Variants in EPHB1 observed in about 807,000 individuals in gnomAD.
EPHB1 encodes ephrin type-B receptor 1.
Under a neutral mutation model 94.4 loss-of-function variants are expected in EPHB1, and 30 were observed. That is an observed-to-expected ratio of 0.32 (90% confidence interval 0.24 to 0.43). The LOEUF (loss-of-function observed/expected upper bound fraction) is 0.43. Ranked by LOEUF, EPHB1 falls within the 20% of genes least tolerant of loss-of-function variation. The pLI is 1.00. For synonymous variants in EPHB1, 522 were observed against 489.1 expected, an observed-to-expected ratio of 1.07 and a Z score of -0.89; for missense variants, 1,055 against 1,308.3, an observed-to-expected ratio of 0.81 and a Z score of 2.99.
chr3:135,157,319 G>A (rs1411414587), intron 6 of EPHB1, among the ~76,000 whole-genome samples: 1 of 152,212 alleles, frequency 6.6e-6, no homozygotes, highest in Non-Finnish European at 1.5e-5. Flanking sequence ...GACAGGCCGA[G>A]CACTGAAGCC....
chr3:135,256,367 T>A (rs1933386852), intron 15 of EPHB1, among the ~76,000 whole-genome samples: 1 of 152,356 alleles, frequency 6.6e-6, no homozygotes, highest in Middle Eastern at 3.4e-3. Context: ...TGGTTGTTCC[T>A]TTCCATATTT....
At chr3:135,171,086 A>G (rs562978160) in intron 9 of EPHB1, among the ~76,000 whole-genome samples, 3 of 152,336 alleles carry the variant, frequency 2.0e-5, no homozygotes, top group South Asian at 4.1e-4. Flanking sequence ...CCTGCCAAAC[A>G]CTTGGAGAGA....
At chr3:135,096,412 G>C (rs1938763420) in intron 3 of EPHB1, among the ~76,000 whole-genome samples, 1 of 152,220 alleles carries the variant, frequency 6.6e-6, no homozygotes, top group South Asian at 2.1e-4. Context: ...TGGTTGGCTT[G>C]ATAAAATTCA....
chr3:135,032,432 C>G (rs996867581), intron 3 of EPHB1, among the ~76,000 whole-genome samples: 9 of 152,072 alleles, frequency 5.9e-5, no homozygotes, highest in Non-Finnish European at 1.3e-4. Context: ...TTCCATCTCT[C>G]TGAGGATATT....
In EPHB1 at chr3:135,166,007, T is replaced by A. The variant is rs540125789; in HGVS notation, c.1625T>A (p.Ile542Asn). 6.2e-7 allele frequency: 1 copy of A among 1,614,002 alleles called. No individual in the cohort carries two copies. The highest frequency in any genetic ancestry group is 8.5e-7 in the Non-Finnish European group (1 of 1,179,878). ...GAGCTGAGGGAGCAGCTGCCCCTGA[T>A]TGCTGGCTCGGCAGCGGCCGGGGTC... ...KSELREQLPL[I>N]AGSAAAGVVF... Residue 542 changes from isoleucine to asparagine, a missense_variant, in exon 8 of 16, where the codon ATT becomes AAT. Coordinates refer to ENST00000398015, the MANE Select transcript of EPHB1 (RefSeq NM_004441.5).
chr3:134,971,570 G>A (rs921127697), intron 3 of EPHB1, among the ~76,000 whole-genome samples: 2 of 152,336 alleles, frequency 1.3e-5, no homozygotes, highest in African/African-American at 4.8e-5. Context: ...GGAATAGGAT[G>A]AGAGGCAGGC....
chr3:134,797,076 T>C (rs78641199), intron 1 of EPHB1, among the ~76,000 whole-genome samples: 7,310 of 152,302 alleles, frequency 0.048, 441 homozygotes, highest in African/African-American at 0.14. Flanking sequence ...ATCCCACGTT[T>C]GTTCTGGTGG....
At chr3:135,022,430 G>T (rs1936019388) in intron 3 of EPHB1, among the ~76,000 whole-genome samples, 1 of 152,036 alleles carries the variant, frequency 6.6e-6, no homozygotes, top group South Asian at 2.1e-4. Context: ...AATTCATGAG[G>T]CAGTTAATAT....
chr3:135,194,909 G>A (rs536191547), intron 11 of EPHB1, among the ~76,000 whole-genome samples: 2 of 152,262 alleles, frequency 1.3e-5, no homozygotes, highest in Admixed American at 1.3e-4. Flanking sequence ...AGTGGCACGA[G>A]AGCTCTAGTC....
intron 1 of EPHB1, among the ~76,000 whole-genome samples, chr3:134,923,826 G>A (rs1438597925): frequency 3.9e-5 from 6 of 152,100 alleles, no homozygotes; most frequent in Non-Finnish European, 5.9e-5. Context: ...TCCCTGACAT[G>A]GTAAACAAGG....
intron 4 of EPHB1, among the ~76,000 whole-genome samples, chr3:135,106,961 G>C (rs1939242217): frequency 6.6e-6 from 1 of 152,120 alleles, no homozygotes; most frequent in Admixed American, 6.5e-5. Context: ...GCCTATAGCT[G>C]AGAATCTCCT....
intron 3 of EPHB1, among the ~76,000 whole-genome samples, chr3:134,966,742 A>T (rs1933762718): frequency 6.6e-6 from 1 of 152,162 alleles, no homozygotes; most frequent in Non-Finnish European, 1.5e-5. Context: ...CCATCACTCT[A>T]TCCTATTCTT....
chr3:135,111,113 G>A (rs925998557), intron 4 of EPHB1, among the ~76,000 whole-genome samples: 3 of 152,194 alleles, frequency 2.0e-5, no homozygotes, highest in Admixed American at 2.0e-4. Context: ...GTAAGGACAT[G>A]AGCTTATAAG....
intron 6 of EPHB1, among the ~76,000 whole-genome samples, chr3:135,154,961 C>T (rs757635353): frequency 4.6e-5 from 7 of 152,116 alleles, no homozygotes; most frequent in Non-Finnish European, 1.5e-5. Flanking sequence ...CAGTGCCTTC[C>T]GTTTTAACCC....
At chr3:134,966,703 A>G (rs1933760859) in intron 3 of EPHB1, among the ~76,000 whole-genome samples, 1 of 152,256 alleles carries the variant, frequency 6.6e-6, no homozygotes, top group Admixed American at 6.5e-5. Context: ...TGTCCCGACA[A>G]GTCAAGACTT....
chr3:135,183,471 A>C lies in EPHB1; in HGVS notation c.1882+3489A>C, dbSNP rs570876343. Among the ~76,000 whole-genome samples, 7 of 152,328 alleles carry C rather than the reference A, an allele frequency of 4.6e-5. 1 individual carries two copies. In the South Asian group the frequency reaches 1.4e-3, roughly 32 times the overall value. ...AGTTCAGAAAGATCTTTATTCATTA[A>C]ACATTGTTTCTGTGCATGTGACTGG... On this transcript the variant is annotated intron_variant, in intron 10 of 15. Transcript: ENST00000398015.
Position 135,201,525 on chromosome 3 carries a change from A to C in EPHB1, c.2182A>C (p.Ile728Leu). 6.2e-7 allele frequency: 1 copy of C among 1,614,044 alleles called. No homozygotes were observed. ...VIQLVGMLRGIAAGMKYLAEM... is the reference protein window; with the variant it reads ...VIQLVGMLRGLAAGMKYLAEM... ...CCAGCTTGTGGGTATGCTCAGGGGC[A>C]TCGCTGCTGGCATGAAGTACCTGGC... is the stretch of plus-strand genomic sequence containing the variant. Residue 728 changes from isoleucine to leucine, a missense_variant, in exon 12 of 16, where the codon ATC becomes CTC. Ile to Leu is a conservative substitution (Grantham distance 5, BLOSUM62 2). Coordinates refer to ENST00000398015, the MANE Select transcript of EPHB1 (RefSeq NM_004441.5).
chr3:134,936,163 AG>A (rs1294047480), intron 2 of EPHB1, among the ~76,000 whole-genome samples: 2 of 152,182 alleles, frequency 1.3e-5, no homozygotes, highest in African/African-American at 4.8e-5. Context: ...GGGAATGAGG[AG>A]GGGCAAATGT....
At chr3:134,855,994 T>A (rs1458338106) in intron 1 of EPHB1, among the ~76,000 whole-genome samples, 1 of 152,080 alleles carries the variant, frequency 6.6e-6, no homozygotes, top group East Asian at 1.9e-4. Context: ...GGAGTCAGGA[T>A]CCCAAGTCAG....
Sources: allele counts gnomAD v4.1 joint callset (sites outside exome capture counted in the v4.1 genomes callset), GRCh38; gene constraint gnomAD v4.1.1; transcripts MANE v1.5; gene names NCBI Gene and HGNC (gene_info 2026-07-23, HGNC 2026-07-21).